Variants in CNTNAP2 observed in about 807,000 individuals in gnomAD.
CNTNAP2 encodes the protein contactin-associated protein-like 2.
Under a neutral mutation model 155.2 loss-of-function variants are expected in CNTNAP2, and 98 were observed. The ratio of observed to expected loss-of-function variants is 0.63; its 90% CI spans 0.54 to 0.75. The LOEUF (loss-of-function observed/expected upper bound fraction) is 0.75, where lower values mean the gene tolerates loss of function less well. Ranked by LOEUF, CNTNAP2 falls within the 30% of genes least tolerant of loss-of-function variation. The pLI is 0.00. For synonymous variants in CNTNAP2, 651 were observed against 631.2 expected (o/e 1.03, Z -0.47); for missense variants, 1,727 against 1,688.1 (o/e 1.02, Z -0.40).
intron 1 of CNTNAP2, among the ~76,000 whole-genome samples, chr7:146,639,221 G>A (rs558194331): frequency 1.3e-5 from 2 of 152,262 alleles, no homozygotes; most frequent in East Asian, 3.9e-4. Context: ...TATTTTGTAT[G>A]CAGCTTTTAA....
At chr7:146,748,646 A>G (rs1168606888) in intron 1 of CNTNAP2, among the ~76,000 whole-genome samples, 2 of 152,186 alleles carry the variant, frequency 1.3e-5, no homozygotes, top group Admixed American at 6.5e-5. Context: ...ACGTTTTTGA[A>G]GATTTTAACT....
chr7:147,105,459 A>G (rs1310306446), intron 4 of CNTNAP2, among the ~76,000 whole-genome samples: 7 of 152,024 alleles, frequency 4.6e-5, no homozygotes, highest in Non-Finnish European at 1.0e-4. Flanking sequence ...ATAATAGAAG[A>G]AAAAAGTGGC....
At chr7:148,358,430 A>G (rs1232742965) in intron 21 of CNTNAP2, among the ~76,000 whole-genome samples, 1 of 152,144 alleles carries the variant, frequency 6.6e-6, no homozygotes, top group Admixed American at 6.5e-5. Flanking sequence ...GGGAGACGGG[A>G]GCATTTGAGA....
intron 13 of CNTNAP2, among the ~76,000 whole-genome samples, chr7:147,658,076 G>A (rs1421545643): frequency 6.9e-6 from 1 of 145,762 alleles, no homozygotes; most frequent in African/African-American, 2.5e-5. Context: ...CAAAAATGGT[G>A]AAACCCCGTC....
chr7:147,189,705 C>T (rs927134570), intron 8 of CNTNAP2, among the ~76,000 whole-genome samples: 4 of 151,914 alleles, frequency 2.6e-5, no homozygotes, highest in Admixed American at 2.0e-4. Flanking sequence ...CTTCTCCTTA[C>T]TCTATGACTT....
At position 148,350,000 on chromosome 7, in the gene CNTNAP2, G is replaced by A. The variant is rs114135190; in HGVS notation, c.3476-33649G>A. 7.9e-4 allele frequency among the ~76,000 whole-genome samples: 121 copies of A among 152,318 alleles called. 1 individual carries two copies. Among genetic ancestry groups the A allele is most frequent in the African/African-American group, 2.8e-3 (117 of 41,568 alleles). ...TATGAGTTGATGGGAGGTCAGTGGA[G>A]GGCTTTGATGTATCATTTTGGCCTC... On this transcript the variant is annotated intron_variant, in intron 21 of 23. Coordinates refer to ENST00000361727, the MANE Select transcript of CNTNAP2 (RefSeq NM_014141.6).
At chr7:146,737,821 G>A (rs533146114) in intron 1 of CNTNAP2, among the ~76,000 whole-genome samples, 31 of 152,028 alleles carry the variant, frequency 2.0e-4, no homozygotes, top group African/African-American at 4.8e-4. Flanking sequence ...ATAACACTTC[G>A]TTCTTTTTTA....
intron 4 of CNTNAP2, among the ~76,000 whole-genome samples, chr7:147,063,905 A>T (rs941811620): frequency 6.6e-6 from 1 of 152,180 alleles, no homozygotes; most frequent in South Asian, 2.1e-4. Flanking sequence ...TCACAATTGT[A>T]TGATCATTTT....
At chr7:146,292,551 G>A (rs765734186) in intron 1 of CNTNAP2, among the ~76,000 whole-genome samples, 11 of 152,080 alleles carry the variant, frequency 7.2e-5, no homozygotes, top group Non-Finnish European at 1.3e-4. Flanking sequence ...TAGTACAAGC[G>A]TAATAGCAAA....
intron 19 of CNTNAP2, among the ~76,000 whole-genome samples, chr7:148,224,693 A>G (rs529233519): frequency 5.9e-5 from 9 of 152,342 alleles, no homozygotes; most frequent in African/African-American, 1.9e-4. Context: ...GCTGCTATGA[A>G]GAAATACCTG....
At chr7:147,952,715 T>C (rs80259586) in intron 14 of CNTNAP2, among the ~76,000 whole-genome samples, 5,524 of 152,152 alleles carry the variant, frequency 0.036, 311 homozygotes, top group African/African-American at 0.12. Flanking sequence ...CACAGACACG[T>C]CACATGCAGG....
At chr7:147,431,023 G>T (rs1267130076) in intron 10 of CNTNAP2, among the ~76,000 whole-genome samples, 7 of 150,518 alleles carry the variant, frequency 4.7e-5, no homozygotes, top group Non-Finnish European at 1.5e-5. Context: ...TGCACTCCAG[G>T]CTGGGCGACA....
At chr7:147,647,322 C>G (rs1446417015) in intron 13 of CNTNAP2, among the ~76,000 whole-genome samples, 19 of 150,162 alleles carry the variant, frequency 1.3e-4, no homozygotes, top group Admixed American at 1.3e-3. Context: ...TTTTTTTTAA[C>G]GAGGGTCAGA....
intron 15 of CNTNAP2, among the ~76,000 whole-genome samples, chr7:148,026,326 C>T (rs1021650379): frequency 2.0e-5 from 3 of 151,174 alleles, no homozygotes; most frequent in Non-Finnish European, 4.4e-5. Context: ...TGGTGCAGGC[C>T]TATAGTCACA....
intron 12 of CNTNAP2, among the ~76,000 whole-genome samples, chr7:147,584,729 G>C (rs560430189): frequency 6.6e-6 from 1 of 152,174 alleles, no homozygotes; most frequent in Non-Finnish European, 1.5e-5. Flanking sequence ...AGAGCTTCTT[G>C]CCTCTTCCTC....
intron 15 of CNTNAP2, among the ~76,000 whole-genome samples, chr7:148,033,810 T>C (rs1017536797): frequency 3.9e-5 from 6 of 152,228 alleles, no homozygotes; most frequent in African/African-American, 1.4e-4. Context: ...GAGCTAAGGA[T>C]GGTGGATTGC....
chr7:148,009,588 A>G (rs1187687831), intron 15 of CNTNAP2, among the ~76,000 whole-genome samples: 2 of 152,140 alleles, frequency 1.3e-5, no homozygotes, highest in Non-Finnish European at 2.9e-5. Flanking sequence ...ACTGAAATTT[A>G]TGCATATTAA....
At chr7:147,978,031 A>G in intron 15 of CNTNAP2, 42 bp downstream of exon 15, 1 of 1,612,298 alleles carries the variant, frequency 6.2e-7, no homozygotes. Context: ...TTCTTATCCC[A>G]TTTAAATATT....
chr7:147,467,718 T>A (rs75396357), intron 10 of CNTNAP2, among the ~76,000 whole-genome samples: 7 of 152,190 alleles, frequency 4.6e-5, no homozygotes, highest in Non-Finnish European at 1.0e-4. Context: ...CAATTACTCA[T>A]ACTAGTAATT....
Sources: gnomAD v4.1 joint callset for allele counts (sites outside exome capture counted in the v4.1 genomes callset) on GRCh38, gnomAD v4.1.1 for gene constraint, MANE v1.5 for transcripts, NCBI Gene and HGNC (gene_info 2026-07-23, HGNC 2026-07-21) for gene names.